RBMS3: variants seen among roughly 807,000 people sequenced by gnomAD.
RBMS3 encodes the protein RNA binding motif single stranded interacting protein 3.
Under a neutral mutation model 66.8 loss-of-function variants are expected in RBMS3, and 27 were observed. That is an observed-to-expected ratio of 0.40 (90% CI 0.30 to 0.56). RBMS3 has a LOEUF of 0.56. RBMS3 is among the 20% of genes least tolerant of loss of function. The pLI is 0.40. For missense variants in RBMS3, 513 were observed against 549.5 expected, an observed-to-expected ratio of 0.93 and a Z score of 0.66; for synonymous variants, 188 against 183.0, an observed-to-expected ratio of 1.03 and a Z score of -0.22.
intron 2 of RBMS3, among the ~76,000 whole-genome samples, chr3:29,439,740 T>C (rs1559362872): frequency 1.3e-5 from 2 of 152,146 alleles, no homozygotes; most frequent in Non-Finnish European, 2.9e-5. Context: ...GTATATCTCC[T>C]AATGCTATCC....
At chr3:29,377,824 T>C (rs958368115) in intron 1 of RBMS3, among the ~76,000 whole-genome samples, 1 of 152,214 alleles carries the variant, frequency 6.6e-6, no homozygotes, top group Non-Finnish European at 1.5e-5. Context: ...TGTTAATGCA[T>C]GTGTTAAGGG....
chr3:29,697,023 C>G lies in RBMS3; in HGVS notation c.400-42697C>G, dbSNP rs189793672. The G allele has an allele frequency of 4.0e-5, 39 of 984,670 alleles. No homozygotes were observed. The Admixed American group carries it at 1.8e-3, about 45-fold the overall frequency. The allele number at this position is 984,670 out of a possible 1,614,324, so 61.0% of individuals were successfully genotyped here. ...TCTAACTTGCTACAAAGGAGGACAA[C>G]AGAGATTATCCAGCCAGAGAAGTTC... is the stretch of plus-strand genomic sequence containing the variant. On this transcript the variant is annotated intron_variant, in intron 4 of 14. Transcript: ENST00000383767.
chr3:29,477,161 T>A (rs559306716), intron 2 of RBMS3, among the ~76,000 whole-genome samples: 43 of 150,896 alleles, frequency 2.8e-4, no homozygotes, highest in African/African-American at 1.0e-3. Flanking sequence ...TCAGTATTTT[T>A]AAACTCTGTT....
At chr3:29,974,208 C>T (rs1697409088) in intron 12 of RBMS3, among the ~76,000 whole-genome samples, 1 of 151,918 alleles carries the variant, frequency 6.6e-6, no homozygotes, top group South Asian at 2.1e-4. Context: ...CTCTCCTGCT[C>T]TTCAAGACAA....
At chr3:29,389,673 T>G (rs1461581560) in intron 1 of RBMS3, among the ~76,000 whole-genome samples, 1 of 152,244 alleles carries the variant, frequency 6.6e-6, no homozygotes, top group Non-Finnish European at 1.5e-5. Context: ...TCTGAAGTTC[T>G]CTGTGCTGAT....
chr3:29,905,162 A>C (rs533977247), intron 10 of RBMS3, among the ~76,000 whole-genome samples: 2 of 152,178 alleles, frequency 1.3e-5, no homozygotes, highest in South Asian at 4.1e-4. Flanking sequence ...TTGTGAAAGC[A>C]TCCATAGACA....
chr3:29,555,705 A>T (rs959325731), intron 3 of RBMS3, among the ~76,000 whole-genome samples: 2 of 152,172 alleles, frequency 1.3e-5, no homozygotes, highest in Admixed American at 6.5e-5. Flanking sequence ...TGTTACTCCT[A>T]GTCTAAAGTG....
intron 1 of RBMS3, among the ~76,000 whole-genome samples, chr3:29,301,164 G>A (rs1383900816): frequency 1.3e-5 from 2 of 151,916 alleles, no homozygotes; most frequent in Non-Finnish European, 2.9e-5. Context: ...TGCTAAAAAA[G>A]AGACTTAAGT....
intron 1 of RBMS3, among the ~76,000 whole-genome samples, chr3:29,385,552 C>T (rs1324247452): frequency 1.3e-5 from 2 of 152,122 alleles, no homozygotes; most frequent in African/African-American, 4.8e-5. Context: ...AGTTTCAGAT[C>T]ATTCTCATTC....
chr3:29,965,110 G>A (rs550921110), intron 12 of RBMS3, among the ~76,000 whole-genome samples: 50 of 152,000 alleles, frequency 3.3e-4, no homozygotes, highest in African/African-American at 9.4e-4. Flanking sequence ...TTTTTTATCC[G>A]CTTTGTTGAT....
At chr3:29,330,449 A>G (rs72851223) in intron 1 of RBMS3, among the ~76,000 whole-genome samples, 3,928 of 152,226 alleles carry the variant, frequency 0.026, 168 homozygotes, top group African/African-American at 0.09. Context: ...TTATGAAATC[A>G]TTTGGGCTGG....
At chr3:29,458,724 T>C (rs1366203915) in intron 2 of RBMS3, among the ~76,000 whole-genome samples, 1 of 152,184 alleles carries the variant, frequency 6.6e-6, no homozygotes, top group African/African-American at 2.4e-5. Flanking sequence ...AAAAGACCTA[T>C]TATAAATCTT....
chr3:29,359,096 G>A (rs894194152), intron 1 of RBMS3, among the ~76,000 whole-genome samples: 4 of 152,164 alleles, frequency 2.6e-5, no homozygotes, highest in African/African-American at 9.7e-5. Context: ...GAATAGGAGT[G>A]GAGAGAGAGG....
At chr3:29,446,451 A>T (rs1215970332) in intron 2 of RBMS3, among the ~76,000 whole-genome samples, 1 of 152,128 alleles carries the variant, frequency 6.6e-6, no homozygotes, top group Non-Finnish European at 1.5e-5. Flanking sequence ...TTTAGTAACC[A>T]TAGATCCTTA....
At chr3:29,768,698 C>T (rs1210562628) in intron 6 of RBMS3, among the ~76,000 whole-genome samples, 2 of 151,932 alleles carry the variant, frequency 1.3e-5, no homozygotes, top group African/African-American at 4.8e-5. Context: ...AGCCTCCAAT[C>T]AACAGGGTAT....
intron 6 of RBMS3, among the ~76,000 whole-genome samples, chr3:29,805,678 T>C (rs985647921): frequency 2.0e-5 from 3 of 152,030 alleles, no homozygotes; most frequent in African/African-American, 4.8e-5. Flanking sequence ...AAACCACTTA[T>C]GGAATAAGGA....
chr3:29,876,139 T>C (rs1459539615), intron 7 of RBMS3, among the ~76,000 whole-genome samples: 1 of 152,182 alleles, frequency 6.6e-6, no homozygotes, highest in East Asian at 1.9e-4. Flanking sequence ...CTTATCCTGA[T>C]TCTAGGCCAG....
At chr3:29,932,262 A>G (rs1168316817) in intron 10 of RBMS3, among the ~76,000 whole-genome samples, 2 of 152,196 alleles carry the variant, frequency 1.3e-5, no homozygotes, top group South Asian at 4.1e-4. Flanking sequence ...AACAAGATAT[A>G]ATGTGATTAT....
chr3:29,721,521 A>C (rs1297327714), intron 4 of RBMS3, among the ~76,000 whole-genome samples: 1 of 152,150 alleles, frequency 6.6e-6, no homozygotes, highest in Non-Finnish European at 1.5e-5. Flanking sequence ...CCTACAGTGC[A>C]GTTGTTACAA....
Sources: allele counts gnomAD v4.1 joint callset (sites outside exome capture counted in the v4.1 genomes callset), GRCh38; gene constraint gnomAD v4.1.1; transcripts MANE v1.5; gene names NCBI Gene and HGNC (gene_info 2026-07-23, HGNC 2026-07-21).